The following PPFIBP1 variants were observed in gnomAD, a reference collection of about 807,000 sequenced individuals.
The protein encoded by PPFIBP1 is liprin-beta-1.
Under a neutral mutation model 137.8 loss-of-function variants are expected in PPFIBP1, and 112 were observed. The ratio of observed to expected loss-of-function variants is 0.81; its 90% confidence interval spans 0.70 to 0.95. The LOEUF (loss-of-function observed/expected upper bound fraction) is 0.95, where lower values mean the gene tolerates loss of function less well. PPFIBP1 is among the 40% of genes least tolerant of loss of function. The pLI is 0.00. For missense variants in PPFIBP1, 1,083 were observed against 1,196.6 expected (o/e 0.91, Z 1.40); for synonymous variants, 378 against 417.3 (o/e 0.91, Z 1.15).
At chr12:27,530,124 C>T (rs1944251192) in intron 1 of PPFIBP1, among the ~76,000 whole-genome samples, 1 of 152,230 alleles carries the variant, frequency 6.6e-6, no homozygotes, top group Non-Finnish European at 1.5e-5. Context: ...GCTGCTATTG[C>T]ATAAAGAATG....
intron 20 of PPFIBP1, 78 bp downstream of exon 20, chr12:27,679,717 T>A: frequency 6.7e-7 from 1 of 1,500,942 alleles, no homozygotes. Context: ...GGTATGGACT[T>A]TGTAAGGCCT....
At chr12:27,567,386 T>C (rs1285913189) in intron 1 of PPFIBP1, among the ~76,000 whole-genome samples, 2 of 152,230 alleles carry the variant, frequency 1.3e-5, no homozygotes, top group Non-Finnish European at 2.9e-5. Flanking sequence ...GATCACTGAC[T>C]AGAAATGGGG....
intron 2 of PPFIBP1, among the ~76,000 whole-genome samples, chr12:27,579,980 A>G (rs1359423087): frequency 1.3e-5 from 2 of 152,178 alleles, no homozygotes; most frequent in South Asian, 4.1e-4. Flanking sequence ...TGCATGGTAC[A>G]GGAAGGGACT....
At chr12:27,590,991 C>T (rs1398691762) in intron 2 of PPFIBP1, among the ~76,000 whole-genome samples, 1 of 152,010 alleles carries the variant, frequency 6.6e-6, no homozygotes, top group Non-Finnish European at 1.5e-5. Flanking sequence ...TTCATTAGAA[C>T]TCAATGTTTA....
chr12:27,621,285 G>T, intron 2 of PPFIBP1, among the ~76,000 whole-genome samples: 1 of 152,234 alleles, frequency 6.6e-6, no homozygotes, highest in Non-Finnish European at 1.5e-5. Flanking sequence ...ACAGGCAGTG[G>T]GCTAGATTTG....
chr12:27,595,244 G>A (rs554603338), intron 2 of PPFIBP1, among the ~76,000 whole-genome samples: 12 of 152,334 alleles, frequency 7.9e-5, no homozygotes, highest in South Asian at 2.1e-4. Context: ...ACACGCGCGC[G>A]CGCACAAACA....
chr12:27,612,926 A>ACATCAT (rs71039826), intron 2 of PPFIBP1, among the ~76,000 whole-genome samples: 66 of 149,008 alleles, frequency 4.4e-4, no homozygotes, highest in African/African-American at 1.3e-3. Context: ...TAGATAATAC[A>ACATCAT]CATCATCATC....
intron 1 of PPFIBP1, among the ~76,000 whole-genome samples, chr12:27,543,051 A>AT (rs886368183): frequency 1.3e-5 from 2 of 152,104 alleles, no homozygotes; most frequent in African/African-American, 4.8e-5. Flanking sequence ...TGCTAAGTAA[A>AT]TTTTTATTTT....
intron 2 of PPFIBP1, among the ~76,000 whole-genome samples, chr12:27,608,378 C>A (rs755823890): frequency 2.0e-5 from 3 of 152,138 alleles, no homozygotes; most frequent in Admixed American, 6.6e-5. Context: ...ACATTAAATG[C>A]AGGACTGTGA....
At chr12:27,597,157 A>T (rs1483511973) in intron 2 of PPFIBP1, among the ~76,000 whole-genome samples, 2 of 152,120 alleles carry the variant, frequency 1.3e-5, no homozygotes, top group African/African-American at 2.4e-5. Context: ...AATGAGATTT[A>T]TTTATTTATT....
chr12:27,683,173 C>G (rs546030783), intron 24 of PPFIBP1, among the ~76,000 whole-genome samples: 8 of 152,294 alleles, frequency 5.3e-5, no homozygotes, highest in Admixed American at 5.2e-4. Flanking sequence ...AAGCCATTCT[C>G]CTGCCTCAGC....
Position 27,676,606 on chromosome 12 carries a change from A to G in PPFIBP1, c.1582+7A>G. ...GCAAGTGCACCAAACTTAGGTACGTATGACCAAAATGCCTTTGCCCTAATT... is the reference window on the plus strand; with the variant it reads ...GCAAGTGCACCAAACTTAGGTACGTGTGACCAAAATGCCTTTGCCCTAATT... On this transcript the variant is annotated splice_region_variant and intron_variant, in intron 18 of 29. Transcript: ENST00000228425. 1.9e-6 allele frequency: 3 copies of G among 1,555,328 alleles called. No homozygotes were observed. Among genetic ancestry groups the G allele is most frequent in the Non-Finnish European group, 2.6e-6 (3 of 1,147,176 alleles).
At chr12:27,663,891 TAGG>T (rs2059698644) in intron 11 of PPFIBP1, among the ~76,000 whole-genome samples, 1 of 151,636 alleles carries the variant, frequency 6.6e-6, no homozygotes, top group East Asian at 1.9e-4. Context: ...TTTTAATAGA[TAGG>T]AGGTCACCTT....
At chr12:27,632,625 A>G (rs1242363921) in intron 2 of PPFIBP1, among the ~76,000 whole-genome samples, 1 of 152,238 alleles carries the variant, frequency 6.6e-6, no homozygotes, top group East Asian at 1.9e-4. Context: ...TGGAAGTTAG[A>G]CAGACCTAGG....
At position 27,535,227 on chromosome 12, in the gene PPFIBP1, GT is replaced by G. The variant is rs563489025; in HGVS notation, c.-124+10869del. On this transcript the variant is annotated intron_variant, in intron 1 of 29. Coordinates refer to ENST00000228425, the MANE Select transcript of PPFIBP1 (RefSeq NM_003622.4). Reference sequence around the variant, plus strand: ...TGAAGCTTCTTTCCTTTCTCATACAGTTTTTTTCTCTTGACTTGTCATAGTA... The same window carrying G: ...TGAAGCTTCTTTCCTTTCTCATACAGTTTTTTCTCTTGACTTGTCATAGTA... 4.6e-5 allele frequency among the ~76,000 whole-genome samples: 7 copies of G among 152,202 alleles called. No homozygotes were observed. The South Asian group carries it at 1.2e-3, about 27-fold the overall frequency.
intron 1 of PPFIBP1, among the ~76,000 whole-genome samples, chr12:27,567,490 A>G (rs1322105244): frequency 6.6e-6 from 1 of 152,180 alleles, no homozygotes; most frequent in Non-Finnish European, 1.5e-5. Flanking sequence ...TTTTAGACAT[A>G]TGTACTAAAA....
intron 24 of PPFIBP1, among the ~76,000 whole-genome samples, chr12:27,686,603 A>G (rs1359665440): frequency 6.6e-6 from 1 of 152,230 alleles, no homozygotes. Flanking sequence ...TAGATAAACC[A>G]TAATAATCTA....
At chr12:27,579,970 T>C (rs562601339) in intron 2 of PPFIBP1, among the ~76,000 whole-genome samples, 1 of 152,204 alleles carries the variant, frequency 6.6e-6, no homozygotes, top group Non-Finnish European at 1.5e-5. Context: ...GGGTTTTGAT[T>C]GCATGGTACA....
chr12:27,614,576 A>G (rs1259928916), intron 2 of PPFIBP1, among the ~76,000 whole-genome samples: 1 of 152,176 alleles, frequency 6.6e-6, no homozygotes, highest in Non-Finnish European at 1.5e-5. Context: ...TTTTACTGCC[A>G]GACTCCTAAG....
Sources: allele counts gnomAD v4.1 joint callset (sites outside exome capture counted in the v4.1 genomes callset), GRCh38; gene constraint gnomAD v4.1.1; transcripts MANE v1.5; gene names NCBI Gene and HGNC (gene_info 2026-07-23, HGNC 2026-07-21).